ATL2: variants seen among roughly 807,000 people sequenced by gnomAD.
ATL2 encodes the protein atlastin-2.
A neutral mutation model predicts 73.9 loss-of-function variants in ATL2; 31 were observed. That is an observed-to-expected ratio of 0.42 (90% CI 0.32 to 0.57). The LOEUF (loss-of-function observed/expected upper bound fraction) is 0.57, where lower values mean the gene tolerates loss of function less well. Among genes scored for constraint, ATL2 ranks in the 20% least tolerant of loss-of-function variants. The pLI is 0.14. For synonymous variants in ATL2, 291 were observed against 237.5 expected, an observed-to-expected ratio of 1.23 and a Z score of -2.07; for missense variants, 738 against 702.6, an observed-to-expected ratio of 1.05 and a Z score of -0.57.
chr2:38,346,092 C>T (rs561706230), intron 1 of ATL2, among the ~76,000 whole-genome samples: 1 of 152,348 alleles, frequency 6.6e-6, no homozygotes, highest in South Asian at 2.1e-4. Flanking sequence ...CACCCATCTG[C>T]TCTGGCACAG....
At position 38,298,126 on chromosome 2, in the gene ATL2, C is replaced by A; in HGVS notation, c.1632+18G>T. The A allele has an allele frequency of 6.3e-7, 1 of 1,576,018 alleles. No homozygotes were observed. The highest frequency in any genetic ancestry group is 8.6e-7 in the Non-Finnish European group (1 of 1,161,164). ...AAAATAAGATTAGTCACTAAAAAAC[C>A]AAAAGATAGATACCAACCTGTTCCC... On this transcript the variant is annotated intron_variant, in intron 12 of 12. Transcript: ENST00000378954.
chr2:38,328,280 G>C (rs1449769651), intron 2 of ATL2, among the ~76,000 whole-genome samples: 1 of 152,158 alleles, frequency 6.6e-6, no homozygotes, highest in Non-Finnish European at 1.5e-5. Context: ...CACCCAGCAA[G>C]TAGAAATCCA....
intron 9 of ATL2, among the ~76,000 whole-genome samples, chr2:38,307,927 T>C (rs1402205181): frequency 2.6e-5 from 4 of 152,170 alleles, no homozygotes; most frequent in African/African-American, 7.2e-5. Context: ...CCATTTAAAA[T>C]TGTTTTTATC....
At chr2:38,334,399 G>A (rs888116085) in intron 2 of ATL2, among the ~76,000 whole-genome samples, 1 of 150,692 alleles carries the variant, frequency 6.6e-6, no homozygotes, top group African/African-American at 2.4e-5. Context: ...TTTCCTTATT[G>A]ACTCTTAAAA....
At chr2:38,298,870 T>C (rs1181993889) in intron 11 of ATL2, among the ~76,000 whole-genome samples, 1 of 152,162 alleles carries the variant, frequency 6.6e-6, no homozygotes, top group East Asian at 1.9e-4. Flanking sequence ...CACACAAAAT[T>C]GCTGGCAAGA....
intron 9 of ATL2, among the ~76,000 whole-genome samples, chr2:38,304,176 A>G (rs1667333609): frequency 6.6e-6 from 1 of 152,206 alleles, no homozygotes; most frequent in African/African-American, 2.4e-5. Flanking sequence ...CAAACAACAT[A>G]CAAAAGAGTT....
At chr2:38,317,241 A>C (rs1315376078) in intron 4 of ATL2, among the ~76,000 whole-genome samples, 1 of 152,104 alleles carries the variant, frequency 6.6e-6, no homozygotes, top group Non-Finnish European at 1.5e-5. Context: ...TCACATACCC[A>C]TTTTAAAAAA....
intron 1 of ATL2, among the ~76,000 whole-genome samples, chr2:38,366,217 C>T (rs75534606): frequency 2.0e-5 from 3 of 151,946 alleles, no homozygotes; most frequent in Admixed American, 1.3e-4. Context: ...TAAACACACA[C>T]GCTCAAAAAC....
rs541325892 is a variant in ATL2, at chr2:38,365,134, T to TACACACAC, written c.118+12001_118+12008dup. ...GGATAGCCAGTTAGCAAGGGAATCA[T>TACACACAC]ACACACACACACACACACACACACA... On this transcript the variant is annotated intron_variant, in intron 1 of 12. Coordinates refer to ENST00000378954, the MANE Select transcript of ATL2 (RefSeq NM_001135673.4). Among the ~76,000 whole-genome samples, 468 of 132,724 alleles carry TACACACAC rather than the reference T, an allele frequency of 3.5e-3. 2 individuals carry two copies. Among genetic ancestry groups the TACACACAC allele is most frequent in the African/African-American group, 0.011 (423 of 37,696 alleles). The allele number at this position is 132,724 out of a possible 152,430, so 87.1% of individuals were successfully genotyped here.
At chr2:38,312,694 G>GT (rs1388094345) in intron 7 of ATL2, among the ~76,000 whole-genome samples, 1 of 140,332 alleles carries the variant, frequency 7.1e-6, no homozygotes, top group Non-Finnish European at 1.5e-5. Flanking sequence ...AGGCAATAGT[G>GT]TGAGACTGTC....
intron 1 of ATL2, chr2:38,354,177 T>C (rs771497103): frequency 4.5e-5 from 18 of 399,634 alleles, no homozygotes; most frequent in Non-Finnish European, 8.3e-5. Flanking sequence ...AGAGCAAGAC[T>C]CTGTCTCAAA....
intron 2 of ATL2, among the ~76,000 whole-genome samples, chr2:38,326,508 T>C (rs1052621874): frequency 3.3e-5 from 5 of 151,586 alleles, no homozygotes; most frequent in South Asian, 2.1e-4. Flanking sequence ...AATTAGAAAA[T>C]AGGAAATTGA....
chr2:38,348,245 T>C (rs546810603), intron 1 of ATL2, among the ~76,000 whole-genome samples: 2 of 151,868 alleles, frequency 1.3e-5, no homozygotes, highest in Non-Finnish European at 2.9e-5. Context: ...GGAGGGCGGA[T>C]CACCTAAAGT....
rs372375274 is a variant in ATL2, at chr2:38,341,925, C to A, written c.363+1343G>T. Among the ~76,000 whole-genome samples, 38 of 152,250 alleles carry A rather than the reference C, an allele frequency of 2.5e-4. No individual in the cohort carries two copies. In the East Asian group the frequency reaches 2.5e-3, roughly 10 times the overall value. On this transcript the variant is annotated intron_variant, in intron 2 of 12. Transcript: ENST00000378954. The stretch of plus-strand genomic sequence containing the variant: ...CCCTGACAGGTGTTTAGACAATTAC[C>A]TAATTCTGTCAAAGTATTATTTCTA...
chr2:38,371,492 C>T (rs778411764), intron 1 of ATL2, among the ~76,000 whole-genome samples: 1 of 151,886 alleles, frequency 6.6e-6, no homozygotes, highest in Non-Finnish European at 1.5e-5. Context: ...CAGGGCAAGA[C>T]CTCGTTTCAA....
chr2:38,340,411 G>C (rs924972646), intron 2 of ATL2, among the ~76,000 whole-genome samples: 2 of 151,476 alleles, frequency 1.3e-5, no homozygotes, highest in Non-Finnish European at 2.9e-5. Flanking sequence ...ATTAGAAGTG[G>C]GGGGGGCAGG....
chr2:38,351,562 C>T (rs1257944693), intron 1 of ATL2, among the ~76,000 whole-genome samples: 3 of 150,844 alleles, frequency 2.0e-5, no homozygotes, highest in African/African-American at 4.9e-5. Flanking sequence ...GGCACGATCT[C>T]GGCTCACTAC....
intron 1 of ATL2, chr2:38,376,288 G>A: frequency 7.4e-7 from 1 of 1,342,884 alleles, no homozygotes; most frequent in Non-Finnish European, 9.7e-7. Flanking sequence ...ACACTGCGCT[G>A]CCAACGCAAC....
intron 2 of ATL2, among the ~76,000 whole-genome samples, chr2:38,319,487 T>C (rs1668202609): frequency 6.6e-6 from 1 of 151,812 alleles, no homozygotes. Flanking sequence ...TAGTCCCGGC[T>C]ACTCAGCAGG....
Sources: allele counts gnomAD v4.1 joint callset (sites outside exome capture counted in the v4.1 genomes callset), GRCh38; gene constraint gnomAD v4.1.1; transcripts MANE v1.5; gene names NCBI Gene and HGNC (gene_info 2026-07-23, HGNC 2026-07-21).